The following EML4 variants were observed in gnomAD, a reference collection of about 807,000 sequenced individuals.
The protein encoded by EML4 is echinoderm microtubule-associated protein-like 4.
Under a neutral mutation model 129.0 loss-of-function variants are expected in EML4, and 72 were observed. That is an observed-to-expected ratio of 0.56 (90% CI 0.46 to 0.68). The LOEUF is 0.68. Ranked by LOEUF, EML4 falls within the 30% of genes least tolerant of loss-of-function variation. The pLI, the probability that EML4 is intolerant of heterozygous loss-of-function variation, is 0.00. For missense variants in EML4, 1,363 were observed against 1,190.6 expected, an observed-to-expected ratio of 1.14 and a Z score of -2.13; for synonymous variants, 532 against 405.0, an observed-to-expected ratio of 1.31 and a Z score of -3.77.
intron 1 of EML4, among the ~76,000 whole-genome samples, chr2:42,192,739 G>C (rs577181393): frequency 6.6e-6 from 1 of 152,202 alleles, no homozygotes; most frequent in Non-Finnish European, 1.5e-5. Context: ...GCTCCCACTA[G>C]GATTCAAAAA....
At chr2:42,197,585 G>A (rs1170711889) in intron 1 of EML4, among the ~76,000 whole-genome samples, 1 of 151,586 alleles carries the variant, frequency 6.6e-6, no homozygotes, top group Non-Finnish European at 1.5e-5. Context: ...AAACAAAATG[G>A]TGTAAACTCA....
chr2:42,181,757 G>A (rs1260364396), intron 1 of EML4, among the ~76,000 whole-genome samples: 1 of 152,082 alleles, frequency 6.6e-6, no homozygotes, highest in East Asian at 1.9e-4. Flanking sequence ...GACACAATAA[G>A]ATGATCCAGG....
intron 1 of EML4, among the ~76,000 whole-genome samples, chr2:42,210,042 C>T (rs1389807358): frequency 1.3e-5 from 2 of 152,158 alleles, no homozygotes; most frequent in Non-Finnish European, 2.9e-5. Flanking sequence ...CACACACACC[C>T]CCCATTCCCT....
rs372945649 is a variant in EML4 at position 42,260,315 on chromosome 2, A to G, written c.339-806A>G. ...CCCGAGTAGCTGGGATTACAGGCACATGCCACTGCGCCAAGCTAATTTTTG... is the reference window on the plus strand; with the variant it reads ...CCCGAGTAGCTGGGATTACAGGCACGTGCCACTGCGCCAAGCTAATTTTTG... On this transcript the variant is annotated intron_variant, in intron 3 of 22. Coordinates refer to ENST00000318522, the MANE Select transcript of EML4 (RefSeq NM_019063.5). 5.9e-5 allele frequency among the ~76,000 whole-genome samples: 9 copies of G among 152,232 alleles called. No homozygotes were observed. In the East Asian group the frequency reaches 9.7e-4, roughly 16 times the overall value.
chr2:42,305,544 G>A (rs1054900630), intron 17 of EML4, among the ~76,000 whole-genome samples: 2 of 152,226 alleles, frequency 1.3e-5, no homozygotes, highest in South Asian at 2.1e-4. Context: ...TAAATGCTAC[G>A]CAGATATATA....
chr2:42,216,765 C>T (rs953739226), intron 1 of EML4, among the ~76,000 whole-genome samples: 6 of 152,158 alleles, frequency 3.9e-5, no homozygotes, highest in African/African-American at 1.4e-4. Context: ...TTTAACCATG[C>T]CACAACAATT....
At chr2:42,304,373 G>C in intron 16 of EML4, 111 bp from the exon 17 acceptor site, 1 of 759,588 alleles carries the variant, frequency 1.3e-6, no homozygotes, top group South Asian at 1.6e-5. Flanking sequence ...CTACAAAGTT[G>C]ATTGAAATGT....
In EML4 at chr2:42,332,516, AAAT is replaced by A. The variant is rs1670154519; in HGVS notation, c.*2312_*2314del. ...ATGGCAGAAAATTTTGAAGATTAAA[AAAT>A]AAAATAATCAAAATGTTTCCTCTTT... On this transcript the variant is annotated 3_prime_UTR_variant, in exon 23 of 23. Transcript: ENST00000318522. 5.4e-6 allele frequency: 1 copy of A among 184,224 alleles called. No individual in the cohort carries two copies. The highest frequency in any genetic ancestry group is 2.3e-5 in the African/African-American group (1 of 42,572). 11.4% of individuals were successfully genotyped at this position (184,224 alleles called of 1,614,324 possible). A position where few individuals can be genotyped will look rare whatever the true frequency, so the allele number is the denominator to read the frequency against.
At chr2:42,249,121 G>A (rs1221786210) in intron 2 of EML4, among the ~76,000 whole-genome samples, 2 of 152,092 alleles carry the variant, frequency 1.3e-5, no homozygotes, top group Non-Finnish European at 2.9e-5. Context: ...ATATTAAACA[G>A]GATTGATAAA....
chr2:42,183,256 C>T (rs888102602), intron 1 of EML4, among the ~76,000 whole-genome samples: 4 of 152,114 alleles, frequency 2.6e-5, no homozygotes, highest in Non-Finnish European at 5.9e-5. Context: ...TGTCAGTGAA[C>T]AAAACAAAAA....
intron 1 of EML4, among the ~76,000 whole-genome samples, chr2:42,238,882 C>G (rs1353973086): frequency 6.6e-6 from 1 of 152,294 alleles, no homozygotes; most frequent in East Asian, 1.9e-4. Flanking sequence ...CTCTTAGGCT[C>G]AAGTGATCCT....
At chr2:42,299,912 CTGACCTCAGG>C (rs1310524921) in intron 13 of EML4, among the ~76,000 whole-genome samples, 1 of 152,204 alleles carries the variant, frequency 6.6e-6, no homozygotes, top group East Asian at 1.9e-4. Flanking sequence ...TTTCAAACAT[CTGACCTCAGG>C]TGATCCACCC....
intron 11 of EML4, among the ~76,000 whole-genome samples, chr2:42,291,427 G>T (rs1345645451): frequency 1.6e-5 from 2 of 122,850 alleles, no homozygotes; most frequent in African/African-American, 3.3e-5. Context: ...TTTTGAGACA[G>T]TCTCATTCTG....
At chr2:42,225,947 G>A (rs1005952261) in intron 1 of EML4, among the ~76,000 whole-genome samples, 10 of 152,092 alleles carry the variant, frequency 6.6e-5, no homozygotes, top group Non-Finnish European at 1.3e-4. Flanking sequence ...AATGTAAAAT[G>A]TATAAATATT....
intron 6 of EML4, among the ~76,000 whole-genome samples, chr2:42,266,051 T>A (rs1159984190): frequency 6.6e-6 from 1 of 152,266 alleles, no homozygotes; most frequent in African/African-American, 2.4e-5. Context: ...CCTTATTTTC[T>A]GTTCTATTAT....
intron 11 of EML4, among the ~76,000 whole-genome samples, chr2:42,292,534 G>A (rs1667704679): frequency 6.6e-6 from 1 of 152,216 alleles, no homozygotes; most frequent in South Asian, 2.1e-4. Context: ...AATGCATTGT[G>A]TATAATTCCA....
At chr2:42,311,823 C>G (rs923954128) in intron 17 of EML4, among the ~76,000 whole-genome samples, 1 of 152,096 alleles carries the variant, frequency 6.6e-6, no homozygotes, top group African/African-American at 2.4e-5. Flanking sequence ...TGTCCAGTTG[C>G]AATAAAGTGT....
intron 17 of EML4, among the ~76,000 whole-genome samples, 193 bp downstream of exon 17, chr2:42,304,744 C>G (rs188830028): frequency 5.3e-5 from 8 of 152,298 alleles, no homozygotes; most frequent in Non-Finnish European, 7.4e-5. Context: ...ATGCTACATG[C>G]TATTGTGTGT....
intron 6 of EML4, among the ~76,000 whole-genome samples, chr2:42,273,447 GAGTTT>G (rs1406558776): frequency 1.3e-5 from 2 of 152,150 alleles, no homozygotes; most frequent in African/African-American, 4.8e-5. Context: ...CTGATTAAAG[GAGTTT>G]AGGTTCAAGA....
Sources: allele counts gnomAD v4.1 joint callset (sites outside exome capture counted in the v4.1 genomes callset), GRCh38; gene constraint gnomAD v4.1.1; transcripts MANE v1.5; gene names NCBI Gene and HGNC (gene_info 2026-07-23, HGNC 2026-07-21).